EPHA3: variants seen among roughly 807,000 people sequenced by gnomAD.
The protein encoded by EPHA3 is ephrin type-A receptor 3.
In EPHA3, 42 loss-of-function variants were observed where a neutral mutation model predicts 107.1. The observed-to-expected ratio is 0.39, with a 90% CI of 0.31 to 0.51. The LOEUF (loss-of-function observed/expected upper bound fraction) is 0.51. EPHA3 is among the 20% of genes least tolerant of loss of function. The pLI, the probability that EPHA3 is intolerant of heterozygous loss-of-function variation, is 0.78. For synonymous variants in EPHA3, 461 were observed against 424.8 expected (o/e 1.09, Z -1.05); for missense variants, 1,183 against 1,211.2 (o/e 0.98, Z 0.35).
chr3:89,391,470 G>C (rs1559677841), intron 5 of EPHA3, among the ~76,000 whole-genome samples: 2 of 142,218 alleles, frequency 1.4e-5, no homozygotes, highest in African/African-American at 5.4e-5. Flanking sequence ...ACCCAGGCTG[G>C]GTGCAGTGGC....
intron 7 of EPHA3, among the ~76,000 whole-genome samples, chr3:89,405,659 G>C (rs1709042788): frequency 6.6e-6 from 1 of 152,102 alleles, no homozygotes; most frequent in Non-Finnish European, 1.5e-5. Flanking sequence ...ACTTAGATTT[G>C]TTCAGGCTGA....
chr3:89,384,550 G>A (rs1230339766), intron 5 of EPHA3, among the ~76,000 whole-genome samples: 2 of 152,118 alleles, frequency 1.3e-5, no homozygotes, highest in African/African-American at 2.4e-5. Context: ...ACAGAAGTGT[G>A]AAGCATGTAT....
chr3:89,157,226 T>C (rs1262283283), intron 2 of EPHA3, among the ~76,000 whole-genome samples: 2 of 152,092 alleles, frequency 1.3e-5, no homozygotes, highest in African/African-American at 4.8e-5. Flanking sequence ...ATCGAACCAC[T>C]TATTCTCAAG....
intron 2 of EPHA3, among the ~76,000 whole-genome samples, chr3:89,165,049 C>T (rs1705033192): frequency 6.6e-6 from 1 of 152,146 alleles, no homozygotes; most frequent in Non-Finnish European, 1.5e-5. Flanking sequence ...TTCTTAGAGT[C>T]TTTCTGTCAC....
At chr3:89,315,181 G>A (rs554118407) in intron 3 of EPHA3, among the ~76,000 whole-genome samples, 1 of 151,836 alleles carries the variant, frequency 6.6e-6, no homozygotes, top group African/African-American at 2.4e-5. Flanking sequence ...TTACATATAT[G>A]TCATATATAT....
chr3:89,477,482 C>T lies in EPHA3; in HGVS notation c.2847-1915C>T, dbSNP rs73846195. Among the ~76,000 whole-genome samples the T allele has an allele frequency of 8.2e-3, 1,243 of 152,224 alleles. 22 individuals carry two copies. Among genetic ancestry groups the T allele is most frequent in the African/African-American group, 0.028 (1,169 of 41,524 alleles). ...ACTACATTTCTTCTCAAATGGTTAC[C>T]TATTGTTTTCTTGAACACCTTTATT... On this transcript the variant is annotated intron_variant, in intron 16 of 16. Transcript: ENST00000336596.
Position 89,191,140 on chromosome 3 carries a change from CT to C in EPHA3, c.154-18718del, listed in dbSNP as rs1445700547. 2.6e-5 allele frequency among the ~76,000 whole-genome samples: 4 copies of C among 152,034 alleles called. No homozygotes were observed. In the East Asian group the frequency reaches 5.8e-4, roughly 22 times the overall value. The stretch of plus-strand genomic sequence containing the variant: ...TGACGCCTGCCAGATATTATGCTAG[CT>C]TAGAAGACAAAAATGGATGAATACA... On this transcript the variant is annotated intron_variant, in intron 2 of 16. Transcript: ENST00000336596.
chr3:89,346,855 C>T (rs1354531557), intron 5 of EPHA3, among the ~76,000 whole-genome samples: 1 of 144,134 alleles, frequency 6.9e-6, no homozygotes, highest in Admixed American at 6.9e-5. Context: ...GTTTTGCCAG[C>T]ACCATTTATT....
At chr3:89,141,509 T>C (rs1167472066) in intron 2 of EPHA3, among the ~76,000 whole-genome samples, 2 of 151,638 alleles carry the variant, frequency 1.3e-5, no homozygotes, top group South Asian at 2.1e-4. Flanking sequence ...CCTAGATCAA[T>C]GTTTCCCAAA....
intron 2 of EPHA3, among the ~76,000 whole-genome samples, chr3:89,150,397 A>G (rs1026058614): frequency 6.6e-6 from 1 of 152,050 alleles, no homozygotes; most frequent in Non-Finnish European, 1.5e-5. Flanking sequence ...TTTTTTGTAT[A>G]GTTGGATAAT....
intron 13 of EPHA3, among the ~76,000 whole-genome samples, chr3:89,436,321 C>T (rs1709669309): frequency 6.6e-6 from 1 of 152,166 alleles, no homozygotes; most frequent in South Asian, 2.1e-4. Context: ...AAACAATTTG[C>T]TGAGGCATTC....
At chr3:89,110,834 T>C (rs1350443280) in intron 1 of EPHA3, among the ~76,000 whole-genome samples, 2 of 152,080 alleles carry the variant, frequency 1.3e-5, no homozygotes, top group African/African-American at 2.4e-5. Flanking sequence ...TTATCAACTG[T>C]GGTTACTTCA....
chr3:89,479,198 T>G (rs2107581110), intron 16 of EPHA3, among the ~76,000 whole-genome samples, 199 bp from the exon 17 acceptor site: 1 of 152,292 alleles, frequency 6.6e-6, no homozygotes, highest in South Asian at 2.1e-4. Context: ...TTGGGGAAAC[T>G]CTATTCAACC....
At chr3:89,128,879 C>A (rs982659171) in intron 2 of EPHA3, among the ~76,000 whole-genome samples, 2 of 151,714 alleles carry the variant, frequency 1.3e-5, no homozygotes, top group African/African-American at 4.8e-5. Context: ...AATGAATTCC[C>A]CCATTGTTAT....
intron 5 of EPHA3, among the ~76,000 whole-genome samples, chr3:89,360,379 G>T (rs997171378): frequency 6.6e-6 from 1 of 150,976 alleles, no homozygotes; most frequent in Non-Finnish European, 1.5e-5. Flanking sequence ...GGAGCACTAT[G>T]AGTAATCTGC....
At chr3:89,473,205 A>T (rs1156382298) in intron 16 of EPHA3, among the ~76,000 whole-genome samples, 1 of 152,214 alleles carries the variant, frequency 6.6e-6, no homozygotes, top group Non-Finnish European at 1.5e-5. Flanking sequence ...GGTTTTCCTC[A>T]AAAGGCTTAT....
At chr3:89,368,006 G>T (rs746518438) in intron 5 of EPHA3, among the ~76,000 whole-genome samples, 11 of 150,576 alleles carry the variant, frequency 7.3e-5, no homozygotes, top group South Asian at 6.3e-4. Flanking sequence ...CCAAGGCATG[G>T]CTCACATTTG....
chr3:89,419,075 G>C (rs1332894881), intron 10 of EPHA3, 130 bp from the exon 11 acceptor site: 3 of 867,408 alleles, frequency 3.5e-6, no homozygotes, highest in African/African-American at 1.7e-5. Flanking sequence ...TGGAGTACTA[G>C]AGTGTACATC....
intron 1 of EPHA3, among the ~76,000 whole-genome samples, chr3:89,122,860 G>GAATTT (rs1189879253): frequency 6.6e-6 from 1 of 152,178 alleles, no homozygotes; most frequent in Non-Finnish European, 1.5e-5. Context: ...AAGAAGAAAA[G>GAATTT]ACTATGTAAA....
Sources: gnomAD v4.1 joint callset for allele counts (sites outside exome capture counted in the v4.1 genomes callset) on GRCh38, gnomAD v4.1.1 for gene constraint, MANE v1.5 for transcripts, NCBI Gene and HGNC (gene_info 2026-07-23, HGNC 2026-07-21) for gene names.